Variants in BBX observed in about 807,000 individuals in gnomAD.
The protein encoded by BBX is HMG box transcription factor BBX.
In BBX, 30 loss-of-function variants were observed where a neutral mutation model predicts 100.2. The ratio of observed to expected loss-of-function variants is 0.30; its 90% confidence interval spans 0.22 to 0.41. The LOEUF (loss-of-function observed/expected upper bound fraction) is 0.41. BBX is among the 10% of genes least tolerant of loss of function. The pLI, the probability that BBX is intolerant of heterozygous loss-of-function variation, is 1.00. For synonymous variants in BBX, 376 were observed against 388.1 expected, an observed-to-expected ratio of 0.97 and a Z score of 0.37; for missense variants, 1,023 against 1,129.8, an observed-to-expected ratio of 0.91 and a Z score of 1.35.
At chr3:107,702,872 G>T (rs1272216482) in intron 3 of BBX, among the ~76,000 whole-genome samples, 1 of 152,144 alleles carries the variant, frequency 6.6e-6, no homozygotes, top group Non-Finnish European at 1.5e-5. Flanking sequence ...GTGCAGGCCT[G>T]GGAGAGCAGA....
At chr3:107,713,780 CT>C (rs1161896534) in intron 4 of BBX, among the ~76,000 whole-genome samples, 1 of 151,930 alleles carries the variant, frequency 6.6e-6, no homozygotes, top group Non-Finnish European at 1.5e-5. Context: ...CTTCTTCATC[CT>C]TGTCTCCTGA....
chr3:107,743,918 G>GTTTTTTTTTTTTTTTTTTTTTTTATT (rs2064329053), intron 7 of BBX, among the ~76,000 whole-genome samples: 1 of 56,622 alleles, frequency 1.8e-5, no homozygotes, highest in Non-Finnish European at 3.1e-5. Flanking sequence ...TGTTTTAGTG[G>GTTTTTTTTTTTTTTTTTTTTTTTATT]TTTTTTTTTT....
chr3:107,769,018 G>T (rs78605658), intron 10 of BBX, among the ~76,000 whole-genome samples: 23,514 of 147,912 alleles, frequency 0.16, 2,616 homozygotes, highest in South Asian at 0.36. Flanking sequence ...GGCGGGGGGG[G>T]GGAGCCGGGC....
chr3:107,532,510 A>G (rs2107314044), intron 2 of BBX, among the ~76,000 whole-genome samples: 1 of 152,372 alleles, frequency 6.6e-6, no homozygotes, highest in African/African-American at 2.4e-5. Flanking sequence ...GAGAAGTGTT[A>G]CATATGTAGT....
intron 3 of BBX, among the ~76,000 whole-genome samples, chr3:107,698,202 C>T (rs1051623695): frequency 4.0e-5 from 6 of 151,744 alleles, no homozygotes; most frequent in Admixed American, 2.0e-4. Context: ...TGTTCCTATT[C>T]GGCCATCTTG....
chr3:107,661,806 C>A, intron 3 of BBX: 1 of 849,100 alleles, frequency 1.2e-6, no homozygotes, highest in Non-Finnish European at 1.4e-6. Context: ...TGTCTCTGGT[C>A]TCTGTGTTTT....
chr3:107,704,092 T>G (rs752849033), intron 3 of BBX, among the ~76,000 whole-genome samples: 6 of 152,228 alleles, frequency 3.9e-5, no homozygotes, highest in Non-Finnish European at 8.8e-5. Flanking sequence ...CATGTTATCC[T>G]GTGCATGTTA....
intron 2 of BBX, among the ~76,000 whole-genome samples, chr3:107,555,740 G>A (rs1015668679): frequency 6.6e-6 from 1 of 152,156 alleles, no homozygotes; most frequent in African/African-American, 2.4e-5. Context: ...GTTTCATCCT[G>A]TGAAATCATG....
chr3:107,779,670 T>C (rs2067672946), intron 13 of BBX, among the ~76,000 whole-genome samples: 3 of 152,160 alleles, frequency 2.0e-5, no homozygotes, highest in Admixed American at 2.0e-4. Context: ...CAGATATAAA[T>C]ATTAACAAAG....
At chr3:107,615,615 A>G (rs941901175) in intron 2 of BBX, among the ~76,000 whole-genome samples, 1 of 152,172 alleles carries the variant, frequency 6.6e-6, no homozygotes, top group African/African-American at 2.4e-5. Flanking sequence ...TAGGTTTTCA[A>G]CCTGGCAATT....
chr3:107,527,444 A>G (rs1337055744), intron 2 of BBX, among the ~76,000 whole-genome samples: 1 of 152,256 alleles, frequency 6.6e-6, no homozygotes, highest in African/African-American at 2.4e-5. Context: ...GTACATTAAC[A>G]AAATTATTGT....
intron 2 of BBX, among the ~76,000 whole-genome samples, chr3:107,645,086 T>G (rs1174176912): frequency 4.6e-5 from 7 of 152,206 alleles, no homozygotes; most frequent in African/African-American, 1.4e-4. Context: ...GGGAATTGCT[T>G]CTTTTAGTTG....
intron 2 of BBX, among the ~76,000 whole-genome samples, chr3:107,607,533 T>C (rs574596192): frequency 7.2e-5 from 11 of 152,222 alleles, no homozygotes; most frequent in African/African-American, 2.7e-4. Flanking sequence ...TGCATGTGTC[T>C]ATTTGACATA....
Position 107,716,812 on chromosome 3 carries a change from C to G in BBX, c.368C>G (p.Pro123Arg). The change falls in exon 5 of 18, where the codon CCA becomes CGA. Residue 123 changes from proline (P) to arginine (R), a missense_variant. This residue lies in a region of BBX where 229 missense variants were observed against 226.3 expected (regional missense o/e 1.01). Coordinates refer to ENST00000325805, the MANE Select transcript of BBX (RefSeq NM_001142568.3). ...GCTGATTGGTGGGCTGTTCTTGATC[C>G]AAAGGAAAAGCAGAAATACACAGAC... is the stretch of plus-strand genomic sequence containing the variant. The part of the protein sequence containing the change: ...ILADWWAVLD[P>R]KEKQKYTDMA... 1 of 1,613,488 alleles carries G rather than the reference C, an allele frequency of 6.2e-7. No individual in the cohort carries two copies. Among genetic ancestry groups the G allele is most frequent in the Non-Finnish European group, 8.5e-7 (1 of 1,179,626 alleles).
chr3:107,653,854 T>A (rs2107820749), intron 3 of BBX, among the ~76,000 whole-genome samples: 1 of 152,208 alleles, frequency 6.6e-6, no homozygotes, highest in Non-Finnish European at 1.5e-5. Context: ...ACTGTCCTAA[T>A]AAGTTGTGCC....
rs577513367 is a variant in BBX at position 107,626,601 on chromosome 3, C to A, written c.-83-19235C>A. The stretch of plus-strand genomic sequence containing the variant: ...ACTCACATGCCTGGCAAGGTTGTGC[C>A]TGGCTTGCAGGAGAGCTTATGAGTT... On this transcript the variant is annotated intron_variant, in intron 2 of 17. Coordinates refer to ENST00000325805, the MANE Select transcript of BBX (RefSeq NM_001142568.3). Among the ~76,000 whole-genome samples, 6 of 151,948 alleles carry A rather than the reference C, an allele frequency of 3.9e-5. No individual in the cohort carries two copies. In the East Asian group the frequency reaches 1.2e-3, roughly 29 times the overall value.
intron 2 of BBX, among the ~76,000 whole-genome samples, chr3:107,606,412 C>T (rs1449893591): frequency 1.3e-5 from 2 of 152,136 alleles, no homozygotes; most frequent in African/African-American, 4.8e-5. Context: ...TTCCTTCAGC[C>T]GTTTGGTTAA....
chr3:107,807,513 T>C lies in BBX; in HGVS notation c.*2056T>C, dbSNP rs1366211251. ...CTAGCAGTGATTTGAAGATTATAAT[T>C]AGCTAAAATCCAAAACAAAAAACCA... On this transcript the variant is annotated 3_prime_UTR_variant, in exon 18 of 18. Transcript: ENST00000325805. 6.6e-6 allele frequency: 1 copy of C among 152,132 alleles called. No individual in the cohort carries two copies. Among genetic ancestry groups the C allele is most frequent in the Non-Finnish European group, 1.5e-5 (1 of 68,020 alleles). The allele number at this position is 152,132 out of a possible 1,614,324, so 9.4% of individuals were successfully genotyped here.
At chr3:107,618,504 A>G (rs1361664897) in intron 2 of BBX, among the ~76,000 whole-genome samples, 1 of 152,018 alleles carries the variant, frequency 6.6e-6, no homozygotes, top group Non-Finnish European at 1.5e-5. Flanking sequence ...ATTGATGTGC[A>G]TGATGTCCTG....
Sources: allele counts gnomAD v4.1 joint callset (sites outside exome capture counted in the v4.1 genomes callset), GRCh38; gene constraint gnomAD v4.1.1; regional missense constraint gnomAD v4.1.1; transcripts MANE v1.5; gene names NCBI Gene and HGNC (gene_info 2026-07-23, HGNC 2026-07-21).